The following DENND5B variants were observed in gnomAD, a reference collection of about 807,000 sequenced individuals.
The protein encoded by DENND5B is DENN domain-containing protein 5B.
A neutral mutation model predicts 140.6 loss-of-function variants in DENND5B; 34 were observed. That is an observed-to-expected ratio of 0.24 (90% CI 0.18 to 0.32). DENND5B has a LOEUF of 0.32. Ranked by LOEUF, DENND5B falls within the 10% of genes least tolerant of loss-of-function variation. The pLI is 1.00. For missense variants in DENND5B, 1,142 were observed against 1,560.2 expected (o/e 0.73, Z 4.52); for synonymous variants, 551 against 562.1 (o/e 0.98, Z 0.28).
In DENND5B at chr12:31,413,446, GT is replaced by G; in HGVS notation, c.2670del (p.Gln890HisfsTer46). On this transcript the variant is annotated frameshift_variant, in exon 13 of 21. Coordinates refer to ENST00000389082, the MANE Select transcript of DENND5B (RefSeq NM_144973.4). LOFTEE classifies it high-confidence loss of function. ...AAGATGGTATCTTACTTGGTGAGTG[GT>G]TGGTTAGAAAGCAACTGCTTAAGAT... ...SQHLKQLLSN[Q>X]PLTKKLYKRY... 6.2e-7 allele frequency: 1 copy of G among 1,613,030 alleles called. No homozygotes were observed. Among genetic ancestry groups the G allele is most frequent in the East Asian group, 2.2e-5 (1 of 44,866 alleles).
intron 1 of DENND5B, among the ~76,000 whole-genome samples, chr12:31,578,899 A>T (rs187908957): frequency 1.1e-4 from 16 of 152,304 alleles, no homozygotes; most frequent in Admixed American, 1.0e-3. Flanking sequence ...AAATGAGAAA[A>T]GTCATATTTT....
At chr12:31,429,020 T>C (rs10843946) in intron 8 of DENND5B, among the ~76,000 whole-genome samples, 139,710 of 151,194 alleles carry the variant, frequency 0.92, 64,982 homozygotes, top group East Asian at 0.99. Context: ...TGTGAGCCAC[T>C]GCACCCGGCC....
At chr12:31,575,098 G>A (rs1049964348) in intron 1 of DENND5B, among the ~76,000 whole-genome samples, 1 of 152,128 alleles carries the variant, frequency 6.6e-6, no homozygotes, top group Non-Finnish European at 1.5e-5. Context: ...TATTTATTAA[G>A]AAAATACATA....
chr12:31,493,860 T>C lies in DENND5B; in HGVS notation c.237+1950A>G, dbSNP rs984527905. 9.4e-4 allele frequency among the ~76,000 whole-genome samples: 143 copies of C among 152,078 alleles called. 1 individual carries two copies. The highest frequency in any genetic ancestry group is 3.3e-3 in the African/African-American group (137 of 41,492). ...AAAAACAAAAACCAAACAAAACAAC[T>C]CAAAAATAGCAATGGCTATCACTGT... On this transcript the variant is annotated intron_variant, in intron 2 of 20. Coordinates refer to ENST00000389082, the MANE Select transcript of DENND5B (RefSeq NM_144973.4).
intron 2 of DENND5B, among the ~76,000 whole-genome samples, chr12:31,489,189 A>G (rs1051184377): frequency 1.3e-5 from 2 of 152,136 alleles, no homozygotes; most frequent in Non-Finnish European, 2.9e-5. Context: ...ATAGTAGGCT[A>G]TATCACCTAG....
chr12:31,478,619 T>A (rs995897248), intron 3 of DENND5B, among the ~76,000 whole-genome samples: 1 of 152,098 alleles, frequency 6.6e-6, no homozygotes, highest in African/African-American at 2.4e-5. Context: ...GAAGACAGCT[T>A]GAGCACGGGA....
In DENND5B at chr12:31,437,926, C is replaced by T. The variant is rs569394128; in HGVS notation, c.2013-4678G>A. 4.6e-5 allele frequency among the ~76,000 whole-genome samples: 7 copies of T among 152,348 alleles called. No individual in the cohort carries two copies. The South Asian group carries it at 1.5e-3, about 32-fold the overall frequency. On this transcript the variant is annotated intron_variant, in intron 7 of 20. Coordinates refer to ENST00000389082, the MANE Select transcript of DENND5B (RefSeq NM_144973.4). ...GAGCATAATATCACATTTTAACATTCCATGGTGATGCGATTCTGAGTGGTT... is the reference window on the plus strand; with the variant it reads ...GAGCATAATATCACATTTTAACATTTCATGGTGATGCGATTCTGAGTGGTT...
At chr12:31,578,253 T>C (rs1565714202) in intron 1 of DENND5B, among the ~76,000 whole-genome samples, 1 of 152,172 alleles carries the variant, frequency 6.6e-6, no homozygotes, top group Non-Finnish European at 1.5e-5. Context: ...AAATACTCTT[T>C]CCAAAACACT....
intron 17 of DENND5B, among the ~76,000 whole-genome samples, chr12:31,397,746 C>A (rs887949332): frequency 6.6e-6 from 1 of 151,646 alleles, no homozygotes; most frequent in Non-Finnish European, 1.5e-5. Flanking sequence ...GGCAACATGG[C>A]GAAAGGCAGT....
intron 7 of DENND5B, among the ~76,000 whole-genome samples, chr12:31,442,566 CTTTG>C (rs200071589): frequency 0.011 from 1,728 of 151,404 alleles, 19 homozygotes; most frequent in East Asian, 0.031. Flanking sequence ...AATCTCTAGC[CTTTG>C]TTTTTTTCTT....
intron 7 of DENND5B, among the ~76,000 whole-genome samples, chr12:31,438,692 A>G (rs1171704242): frequency 6.6e-6 from 1 of 151,998 alleles, no homozygotes; most frequent in African/African-American, 2.4e-5. Flanking sequence ...CAAAATGTAC[A>G]AAGACCTGGG....
chr12:31,456,026 AAAC>A (rs770297405), intron 4 of DENND5B, among the ~76,000 whole-genome samples: 7 of 148,696 alleles, frequency 4.7e-5, no homozygotes, highest in East Asian at 4.0e-4. Flanking sequence ...CTCAAAAACA[AAAC>A]AACAACAACA....
chr12:31,574,467 G>C (rs1040317569), intron 1 of DENND5B, among the ~76,000 whole-genome samples: 1 of 151,880 alleles, frequency 6.6e-6, no homozygotes, highest in South Asian at 2.1e-4. Context: ...GTGCATGCCT[G>C]TAGTCCCAGC....
At chr12:31,573,241 A>C (rs937471097) in intron 1 of DENND5B, among the ~76,000 whole-genome samples, 2 of 152,236 alleles carry the variant, frequency 1.3e-5, no homozygotes, top group African/African-American at 4.8e-5. Flanking sequence ...ATCCCAAGGC[A>C]AATTTGAATA....
At chr12:31,545,950 C>CAAAAAA (rs57460264) in intron 1 of DENND5B, among the ~76,000 whole-genome samples, 11,255 of 36,056 alleles carry the variant, frequency 0.31, 2,893 homozygotes, top group East Asian at 0.45. Flanking sequence ...GACACTGTCT[C>CAAAAAA]AAAAAAAAAA....
intron 1 of DENND5B, among the ~76,000 whole-genome samples, chr12:31,585,235 T>G (rs751741231): frequency 6.6e-6 from 1 of 152,178 alleles, no homozygotes; most frequent in South Asian, 2.1e-4. Flanking sequence ...TGAATCTTCT[T>G]TGGCCTCATT....
chr12:31,449,483 T>C (rs1944412802), intron 5 of DENND5B, among the ~76,000 whole-genome samples: 1 of 152,184 alleles, frequency 6.6e-6, no homozygotes, highest in African/African-American at 2.4e-5. Context: ...TCATAAACTA[T>C]AAAATTTTAG....
intron 7 of DENND5B, among the ~76,000 whole-genome samples, chr12:31,435,217 C>A (rs1943689477): frequency 6.6e-6 from 1 of 152,136 alleles, no homozygotes; most frequent in African/African-American, 2.4e-5. Context: ...TTTATCAACT[C>A]TTCCCCATTC....
intron 15 of DENND5B, among the ~76,000 whole-genome samples, chr12:31,402,127 C>G (rs1350250251): frequency 6.6e-6 from 1 of 150,656 alleles, no homozygotes; most frequent in Non-Finnish European, 1.5e-5. Context: ...GTCCTTTTGC[C>G]AAAGGATGAC....
Sources: allele counts gnomAD v4.1 joint callset (sites outside exome capture counted in the v4.1 genomes callset), GRCh38; gene constraint gnomAD v4.1.1; transcripts MANE v1.5; gene names NCBI Gene and HGNC (gene_info 2026-07-23, HGNC 2026-07-21).